The following ZNF831 variants were observed in gnomAD, a reference collection of about 807,000 sequenced individuals.
ZNF831 encodes the protein zinc finger protein 831.
Under a neutral mutation model 95.8 loss-of-function variants are expected in ZNF831, and 59 were observed. That is an observed-to-expected ratio of 0.62 (90% CI 0.50 to 0.77). The LOEUF (loss-of-function observed/expected upper bound fraction) is 0.77. Among genes scored for constraint, ZNF831 ranks in the 30% least tolerant of loss-of-function variants. The pLI, the probability that ZNF831 is intolerant of heterozygous loss-of-function variation, is 0.00. For missense variants in ZNF831, 2,205 were observed against 2,164.0 expected (o/e 1.02, Z -0.38); for synonymous variants, 961 against 925.5 (o/e 1.04, Z -0.70).
chr20:59,139,262 T>C (rs896933793), intron 1 of ZNF831, among the ~76,000 whole-genome samples: 5 of 152,014 alleles, frequency 3.3e-5, no homozygotes, highest in Non-Finnish European at 2.9e-5. Context: ...GTGGATGTAC[T>C]ATGGTTTATT....
intron 1 of ZNF831, among the ~76,000 whole-genome samples, chr20:59,166,172 G>A (rs1295514601): frequency 6.6e-6 from 1 of 152,180 alleles, no homozygotes; most frequent in Non-Finnish European, 1.5e-5. Flanking sequence ...GAAAAAGTGA[G>A]TTGATATAAA....
intron 3 of ZNF831, among the ~76,000 whole-genome samples, chr20:59,204,318 A>C (rs1367195080): frequency 6.6e-6 from 1 of 152,240 alleles, no homozygotes; most frequent in African/African-American, 2.4e-5. Flanking sequence ...ACTCTCAGTA[A>C]TGAGAGCACA....
chr20:59,167,019 G>A (rs894672410), intron 1 of ZNF831, among the ~76,000 whole-genome samples: 1 of 152,166 alleles, frequency 6.6e-6, no homozygotes, highest in Non-Finnish European at 1.5e-5. Context: ...TTCCAGAATG[G>A]CTGTGCCACT....
chr20:59,152,538 G>T (rs1157036271), intron 2 of ZNF831, among the ~76,000 whole-genome samples: 1 of 152,176 alleles, frequency 6.6e-6, no homozygotes, highest in Non-Finnish European at 1.5e-5. Flanking sequence ...CTTGGAGCTG[G>T]CGAATAGGGT....
At position 59,150,874 on chromosome 20, in the gene ZNF831, G is replaced by A. The variant is rs995141332; in HGVS notation, c.-1281+4500G>A. Among the ~76,000 whole-genome samples the A allele has an allele frequency of 5.9e-5, 9 of 152,332 alleles. No homozygotes were observed. In the East Asian group the frequency reaches 1.5e-3, roughly 26 times the overall value. On this transcript the variant is annotated intron_variant, in intron 2 of 7. Coordinates refer to the ZNF831 transcript ENST00000637017. ...TGCATAGTACTCGCTGGCTGTGGGC[G>A]GGCGGGCCGTGCCAGCTTCAGAGGA... is the stretch of plus-strand genomic sequence containing the variant.
intron 4 of ZNF831, among the ~76,000 whole-genome samples, chr20:59,209,895 C>A (rs558431483): frequency 6.6e-6 from 1 of 152,268 alleles, no homozygotes; most frequent in South Asian, 2.1e-4. Flanking sequence ...TATAAAGACA[C>A]TTGTCTTTGG....
At chr20:59,151,074 G>C (rs956752547) in intron 2 of ZNF831, among the ~76,000 whole-genome samples, 1 of 152,234 alleles carries the variant, frequency 6.6e-6, no homozygotes, top group Admixed American at 6.5e-5. Context: ...GCTGATAGCG[G>C]CTGGGTCTCT....
intron 1 of ZNF831, among the ~76,000 whole-genome samples, chr20:59,178,679 C>T (rs140751798): frequency 0.01 from 1,567 of 152,278 alleles, 17 homozygotes; most frequent in Middle Eastern, 0.037. Flanking sequence ...CATAGCTGAT[C>T]GGATCTTCTC....
chr20:59,250,572 A>T (rs1488555390), intron 4 of ZNF831, among the ~76,000 whole-genome samples: 1 of 152,216 alleles, frequency 6.6e-6, no homozygotes, highest in Non-Finnish European at 1.5e-5. Flanking sequence ...TAAAGAGAGA[A>T]ATAAAAACAA....
intron 1 of ZNF831, among the ~76,000 whole-genome samples, chr20:59,141,757 G>C (rs1379787586): frequency 6.6e-6 from 1 of 152,092 alleles, no homozygotes; most frequent in African/African-American, 2.4e-5. Flanking sequence ...TAAATTGATG[G>C]TTACAACTTT....
Position 59,202,342 on chromosome 20 carries a change from A to ATTTTT in ZNF831, c.3876-4563_3876-4562insTTTTT, listed in dbSNP as rs762881064. On this transcript the variant is annotated intron_variant, in intron 3 of 5. Coordinates refer to ENST00000371030, the MANE Select transcript of ZNF831 (RefSeq NM_178457.3). ...TTTCAACCTTTTTTTTTTTTTTTAA[A>ATTTTT]AAAAAAAACACATCTAATGTTTTGC... 5.7e-5 allele frequency among the ~76,000 whole-genome samples: 7 copies of ATTTTT among 122,694 alleles called. No individual in the cohort carries two copies. The East Asian group carries it at 6.2e-4, about 11-fold the overall frequency. 80.5% of individuals were successfully genotyped at this position (122,694 alleles called of 152,430 possible). A position where few individuals can be genotyped will look rare whatever the true frequency, so the allele number is the denominator to read the frequency against.
intron 1 of ZNF831, among the ~76,000 whole-genome samples, chr20:59,173,362 A>AG (rs1981890993): frequency 1.3e-5 from 2 of 152,328 alleles, no homozygotes; most frequent in East Asian, 3.9e-4. Flanking sequence ...TACAAAAATG[A>AG]GACATTCTTT....
At chr20:59,147,860 G>A (rs375493107) in intron 2 of ZNF831, among the ~76,000 whole-genome samples, 1 of 152,374 alleles carries the variant, frequency 6.6e-6, no homozygotes, top group South Asian at 2.1e-4. Context: ...CTGAAGAGCA[G>A]CTGAAATGCA....
intron 4 of ZNF831, among the ~76,000 whole-genome samples, chr20:59,222,119 A>T (rs1251890816): frequency 1.3e-5 from 2 of 152,210 alleles, no homozygotes; most frequent in African/African-American, 4.8e-5. Context: ...CAATCTGATA[A>T]AGTTCTTTTT....
rs766722271 is a variant in ZNF831, at chr20:59,192,495, C to T, written c.1476C>T (p.Leu492=). 6.4e-7 allele frequency: 1 copy of T among 1,565,172 alleles called. No homozygotes were observed. Among genetic ancestry groups the T allele is most frequent in the Non-Finnish European group, 8.6e-7 (1 of 1,156,628 alleles). ...TCTTCCACTCCGTCCCCACTCAGCT[C>T]TCCACCACCGTGGAATGTGTCCCCG... ...PLFFHSVPTQ[L]STTVECVPVT... Residue 492 remains leucine (L), a synonymous_variant, in exon 2 of 6, where the codon CTC becomes CTT. Coordinates refer to ENST00000371030, the MANE Select transcript of ZNF831 (RefSeq NM_178457.3). This position sits in a 1 kb window ranked among gnomAD's most constrained non-coding sequence, Gnocchi z 5.2.
chr20:59,193,848 C>T lies in ZNF831; in HGVS notation c.2829C>T (p.Leu943=), dbSNP rs2146590372. ...ADNAFSPKYL[L]RLPQAETPLP... is the part of the protein sequence containing the mutation. ...ATGCCTTTTCCCCCAAGTACCTCCT[C>T]AGGTTACCTCAGGCAGAGACCCCCT... The change falls in exon 2 of 6, where the codon CTC becomes CTT. Residue 943 remains leucine, a synonymous_variant. Coordinates refer to ENST00000371030, the MANE Select transcript of ZNF831 (RefSeq NM_178457.3). 4 of 1,613,350 alleles carry T rather than the reference C, an allele frequency of 2.5e-6. No individual in the cohort carries two copies. The highest frequency in any genetic ancestry group is 3.4e-6 in the Non-Finnish European group (4 of 1,179,630).
chr20:59,139,109 A>G (rs978880478), intron 1 of ZNF831, among the ~76,000 whole-genome samples: 1 of 152,010 alleles, frequency 6.6e-6, no homozygotes, highest in Admixed American at 6.6e-5. Flanking sequence ...CTATCTCTGT[A>G]ATTTTGTCAT....
intron 1 of ZNF831, among the ~76,000 whole-genome samples, chr20:59,135,248 T>C (rs1979465213): frequency 6.6e-6 from 1 of 152,212 alleles, no homozygotes; most frequent in Admixed American, 6.5e-5. Flanking sequence ...AGGAATAGCA[T>C]GTCTCAGCTG....
chr20:59,176,950 A>G (rs1425075800), intron 1 of ZNF831, among the ~76,000 whole-genome samples: 1 of 152,238 alleles, frequency 6.6e-6, no homozygotes, highest in Non-Finnish European at 1.5e-5. Flanking sequence ...TTTGTGTTCT[A>G]AGCCACGAGG....
Sources: gnomAD v4.1 joint callset for allele counts (sites outside exome capture counted in the v4.1 genomes callset) on GRCh38, gnomAD v4.1.1 for gene constraint, Gnocchi (gnomAD v3.1) non-coding constraint, MANE v1.5 for transcripts, NCBI Gene and HGNC (gene_info 2026-07-23, HGNC 2026-07-21) for gene names.